FUT8: variants seen among roughly 807,000 people sequenced by gnomAD.
FUT8 encodes the protein alpha-(1,6)-fucosyltransferase.
In FUT8, 29 loss-of-function variants were observed where a neutral mutation model predicts 71.3. The observed-to-expected ratio is 0.41, with a 90% CI of 0.30 to 0.55. FUT8 has a LOEUF of 0.55. Among genes scored for constraint, FUT8 ranks in the 20% least tolerant of loss-of-function variants. FUT8 has a pLI of 0.34. For synonymous variants in FUT8, 254 were observed against 239.3 expected (o/e 1.06, Z -0.57); for missense variants, 544 against 702.1 (o/e 0.77, Z 2.55).
chr14:65,587,753 G>A (rs946557210), intron 3 of FUT8, among the ~76,000 whole-genome samples: 3 of 152,188 alleles, frequency 2.0e-5, no homozygotes, highest in African/African-American at 7.2e-5. Flanking sequence ...ATGTATGCAT[G>A]CCTGATTTTA....
chr14:65,364,350 C>T, the FUT8 span, among the ~76,000 whole-genome samples: 1 of 152,054 alleles, frequency 6.6e-6, no homozygotes, highest in African/African-American at 2.4e-5. Context: ...ATTACAGGCA[C>T]CCGCCACCAT....
chr14:65,569,076 C>G (rs1440945437), intron 3 of FUT8, among the ~76,000 whole-genome samples: 1 of 151,558 alleles, frequency 6.6e-6, no homozygotes, highest in Non-Finnish European at 1.5e-5. Context: ...TCCTGCCTTT[C>G]ATAGTCTCTG....
intron 7 of FUT8, among the ~76,000 whole-genome samples, chr14:65,709,531 T>G (rs1894715830): frequency 6.6e-6 from 1 of 152,182 alleles, no homozygotes; most frequent in Non-Finnish European, 1.5e-5. Flanking sequence ...GATAATTGTT[T>G]GGTTGTGGGG....
intron 6 of FUT8, among the ~76,000 whole-genome samples, chr14:65,648,040 G>C (rs1374514970): frequency 6.6e-6 from 1 of 152,206 alleles, no homozygotes; most frequent in Non-Finnish European, 1.5e-5. Flanking sequence ...GCCTAGACCA[G>C]AGGTCAGCAA....
chr14:65,360,090 C>T, the FUT8 span, among the ~76,000 whole-genome samples: 5 of 152,210 alleles, frequency 3.3e-5, no homozygotes, highest in Non-Finnish European at 1.5e-5. Flanking sequence ...CTCAGCCTCC[C>T]AAAGTGCTGG....
At chr14:65,485,293 A>G (rs2066392433) in intron 2 of FUT8, among the ~76,000 whole-genome samples, 1 of 152,174 alleles carries the variant, frequency 6.6e-6, no homozygotes, top group Non-Finnish European at 1.5e-5. Flanking sequence ...TCTTCAGCTG[A>G]CAGACATTGT....
At chr14:65,561,025 A>G (rs1885889017) in intron 2 of FUT8, among the ~76,000 whole-genome samples, 1 of 152,212 alleles carries the variant, frequency 6.6e-6, no homozygotes, top group Non-Finnish European at 1.5e-5. Context: ...GTTCAAAGAT[A>G]TAATTTTTAA....
intron 1 of FUT8, among the ~76,000 whole-genome samples, chr14:65,448,587 A>C (rs976270169): frequency 6.6e-6 from 1 of 152,216 alleles, no homozygotes; most frequent in Non-Finnish European, 1.5e-5. Flanking sequence ...ATATGTGTTA[A>C]GGTAGTGTGC....
chr14:65,511,096 A>G (rs905727245), intron 2 of FUT8, among the ~76,000 whole-genome samples: 8 of 151,966 alleles, frequency 5.3e-5, no homozygotes, highest in African/African-American at 1.7e-4. Flanking sequence ...AGGTTTTGGT[A>G]TATTATGTTT....
chr14:65,557,908 ATAAGT>A (rs755328517), intron 2 of FUT8, among the ~76,000 whole-genome samples: 4 of 152,214 alleles, frequency 2.6e-5, no homozygotes, highest in African/African-American at 4.8e-5. Flanking sequence ...ACTTTCACAA[ATAAGT>A]TGAGTGGTTG....
intron 10 of FUT8, among the ~76,000 whole-genome samples, chr14:65,736,635 T>A (rs949261909): frequency 1.3e-5 from 2 of 152,052 alleles, no homozygotes; most frequent in Non-Finnish European, 2.9e-5. Context: ...AGTAAATGTG[T>A]GTGTGTTGAC....
rs1036628268 is a variant in FUT8 at position 65,690,885 on chromosome 14, C to T, written c.835+21405C>T. Among the ~76,000 whole-genome samples the T allele has an allele frequency of 5.9e-5, 9 of 152,178 alleles. No individual in the cohort carries two copies. The East Asian group carries it at 1.2e-3, about 20-fold the overall frequency. ...GGATTACAGGCGTGTGCCACCACAC[C>T]GGGCTGATTTTCGTACTTTTAGTAG... On this transcript the variant is annotated intron_variant, in intron 7 of 10. Coordinates refer to ENST00000673929, the MANE Select transcript of FUT8 (RefSeq NM_001371533.1).
chr14:65,411,922 G>GGCTGCTCTGGGGCAGCCCTTCGGTCC (rs2065131019), upstream of FUT8: 1 of 411,768 alleles, frequency 2.4e-6, no homozygotes, highest in Non-Finnish European at 4.8e-6. Context: ...TGGCGGTCTG[G>GGCTGCTCTGGGGCAGCCCTTCGGTCC]GCTGCTCTGG....
intron 1 of FUT8, among the ~76,000 whole-genome samples, chr14:65,445,049 CA>C (rs2065718333): frequency 6.6e-6 from 1 of 151,726 alleles, no homozygotes; most frequent in South Asian, 2.1e-4. Flanking sequence ...ACTAAAAATA[CA>C]AAAAAAATTA....
At chr14:65,436,854 G>A (rs1333619778) in intron 1 of FUT8, among the ~76,000 whole-genome samples, 2 of 152,054 alleles carry the variant, frequency 1.3e-5, no homozygotes, top group Admixed American at 1.3e-4. Context: ...AGGTTCCATG[G>A]AAAATTTGAG....
intron 7 of FUT8, among the ~76,000 whole-genome samples, chr14:65,697,258 GT>G (rs1231009650): frequency 6.6e-6 from 1 of 152,156 alleles, no homozygotes; most frequent in African/African-American, 2.4e-5. Flanking sequence ...TTCTTCTAGT[GT>G]CCTTGTTTTT....
At chr14:65,549,805 G>A (rs138416053) in intron 2 of FUT8, among the ~76,000 whole-genome samples, 25 of 152,296 alleles carry the variant, frequency 1.6e-4, no homozygotes, top group African/African-American at 6.0e-4. Flanking sequence ...GTGGCTACCT[G>A]TATTAGTCTG....
intron 2 of FUT8, among the ~76,000 whole-genome samples, chr14:65,463,952 A>T (rs2184603): frequency 2.0e-5 from 3 of 152,058 alleles, no homozygotes; most frequent in Admixed American, 6.6e-5. Context: ...GATGCTTGAG[A>T]AGTTAGAGAG....
chr14:65,446,976 T>C (rs1042590920), intron 1 of FUT8, among the ~76,000 whole-genome samples: 1 of 152,186 alleles, frequency 6.6e-6, no homozygotes, highest in East Asian at 1.9e-4. Flanking sequence ...ACTCTGCTAT[T>C]GTTTCTTTAA....
Sources: gnomAD v4.1 joint callset for allele counts (sites outside exome capture counted in the v4.1 genomes callset) on GRCh38, gnomAD v4.1.1 for gene constraint, MANE v1.5 for transcripts, NCBI Gene and HGNC (gene_info 2026-07-23, HGNC 2026-07-21) for gene names.